NDUFAF6: variants seen among roughly 807,000 people sequenced by gnomAD.
NDUFAF6 encodes the protein NADH dehydrogenase (ubiquinone) complex I, assembly factor 6.
In NDUFAF6, 45 loss-of-function variants were observed where a neutral mutation model predicts 40.8. That is an observed-to-expected ratio of 1.10 (90% CI 0.87 to 1.42). NDUFAF6 has a LOEUF of 1.42. Among genes scored for constraint, NDUFAF6 ranks in the 40% most tolerant of loss-of-function variants. NDUFAF6 has a pLI of 0.00. For synonymous variants in NDUFAF6, 185 were observed against 155.9 expected (o/e 1.19, Z -1.39); for missense variants, 435 against 418.5 (o/e 1.04, Z -0.34).
At chr8:94,902,868 A>G (rs1818119753) in intron 1 of NDUFAF6, among the ~76,000 whole-genome samples, 1 of 151,442 alleles carries the variant, frequency 6.6e-6, no homozygotes, top group Non-Finnish European at 1.5e-5. Flanking sequence ...GCTAATTTTT[A>G]TATTTTTAGT....
intron 2 of NDUFAF6, among the ~76,000 whole-genome samples, chr8:95,094,633 T>A (rs1231150252): frequency 6.6e-6 from 1 of 151,832 alleles, no homozygotes; most frequent in African/African-American, 2.4e-5. Flanking sequence ...CAGGCTGGTC[T>A]TGAACTCCTG....
intron 2 of NDUFAF6, among the ~76,000 whole-genome samples, chr8:94,986,699 G>A (rs1825924517): frequency 6.6e-6 from 1 of 152,166 alleles, no homozygotes; most frequent in African/African-American, 2.4e-5. Flanking sequence ...GTCTTTGTGA[G>A]AAAGCTCATT....
At chr8:95,072,203 G>A (rs950783342) in intron 9 of NDUFAF6, among the ~76,000 whole-genome samples, 31 of 152,142 alleles carry the variant, frequency 2.0e-4, no homozygotes, top group Non-Finnish European at 4.3e-4. Context: ...ACACAGGGCC[G>A]TTATGTTGCG....
At chr8:94,926,409 CAAAGCCACTTAAAAAAAAAAAAA>C (rs1819898601) in intron 1 of NDUFAF6, 1 of 89,382 alleles carries the variant, frequency 1.1e-5, no homozygotes, top group Non-Finnish European at 2.2e-5. Context: ...GAAAAAAAAA[CAAAGCCACTTAAAAAAAAAAAAA>C]ACACACGCAA....
At position 95,052,323 on chromosome 8, in the gene NDUFAF6, A is replaced by G. The variant is rs916947834; in HGVS notation, c.873+93A>G. ...TATAAAGTTCCCAATGAACTTCTTT[A>G]GTTCGGAGCCTTTGTTTTTGTTTCC... On this transcript the variant is annotated intron_variant, in intron 8 of 8. Coordinates refer to ENST00000396124, the MANE Select transcript of NDUFAF6 (RefSeq NM_152416.4). The G allele has an allele frequency of 3.5e-5, 48 of 1,360,770 alleles. No individual in the cohort carries two copies. The Admixed American group carries it at 8.2e-4, about 23-fold the overall frequency. The allele number at this position is 1,360,770 out of a possible 1,614,324, so 84.3% of individuals were successfully genotyped here. A position where few individuals can be genotyped will look rare whatever the true frequency, so the allele number is the denominator to read the frequency against.
intron 9 of NDUFAF6, among the ~76,000 whole-genome samples, chr8:95,064,014 C>T (rs917003420): frequency 2.0e-5 from 3 of 149,714 alleles, no homozygotes; most frequent in Non-Finnish European, 3.0e-5. Context: ...TGGGACTACA[C>T]GTGCCCGCCA....
At chr8:95,056,923 G>C (rs1832240945) in intron 8 of NDUFAF6, among the ~76,000 whole-genome samples, 1 of 148,290 alleles carries the variant, frequency 6.7e-6, no homozygotes, top group Non-Finnish European at 1.5e-5. Flanking sequence ...AAAAAAAGTA[G>C]ATAATGAATT....
intron 2 of NDUFAF6, among the ~76,000 whole-genome samples, chr8:94,983,823 A>G (rs920015334): frequency 6.6e-6 from 1 of 152,134 alleles, no homozygotes; most frequent in Non-Finnish European, 1.5e-5. Flanking sequence ...GGTTTCCTAA[A>G]TGTGTCTGTA....
intron 2 of NDUFAF6, among the ~76,000 whole-genome samples, chr8:95,091,718 C>T (rs1341085664): frequency 6.6e-6 from 1 of 151,474 alleles, no homozygotes; most frequent in Non-Finnish European, 1.5e-5. Context: ...TGGCTCACTG[C>T]AGCCTTGACC....
upstream of NDUFAF6, among the ~76,000 whole-genome samples, chr8:94,955,879 C>G (rs564475552): frequency 3.9e-5 from 6 of 152,320 alleles, no homozygotes; most frequent in South Asian, 6.2e-4. Context: ...AGAAGTCCCT[C>G]CCTAGCACAC....
intron 4 of NDUFAF6, among the ~76,000 whole-genome samples, chr8:95,041,988 A>G (rs1232887886): frequency 6.6e-6 from 1 of 152,248 alleles, no homozygotes. Context: ...AAATACATAT[A>G]TATCTTAAAA....
chr8:95,003,611 A>G (rs1174991544), intron 2 of NDUFAF6, among the ~76,000 whole-genome samples: 2 of 152,050 alleles, frequency 1.3e-5, no homozygotes, highest in Admixed American at 1.3e-4. Flanking sequence ...ACCCTTCAAC[A>G]CTTTGTGTCT....
chr8:94,990,104 C>G (rs1051556452), intron 2 of NDUFAF6, among the ~76,000 whole-genome samples: 2 of 152,146 alleles, frequency 1.3e-5, no homozygotes, highest in Non-Finnish European at 2.9e-5. Flanking sequence ...TGTTATGAGT[C>G]AAGGAAAGGG....
chr8:95,004,508 G>A (rs906240899), intron 2 of NDUFAF6, among the ~76,000 whole-genome samples: 1 of 151,732 alleles, frequency 6.6e-6, no homozygotes, highest in Non-Finnish European at 1.5e-5. Flanking sequence ...ATGATACCAT[G>A]CCCAACTAAT....
chr8:95,101,006 C>T (rs1809631896), intron 1 of NDUFAF6: 1 of 152,124 alleles, frequency 6.6e-6, no homozygotes, highest in Non-Finnish European at 1.5e-5. Flanking sequence ...TTTTAATTTA[C>T]CTATTTGTTT....
intron 1 of NDUFAF6, among the ~76,000 whole-genome samples, chr8:94,907,106 G>A (rs994199878): frequency 1.3e-5 from 2 of 152,166 alleles, no homozygotes; most frequent in Non-Finnish European, 2.9e-5. Flanking sequence ...TTGCAGTGTG[G>A]CCAGCACAAA....
chr8:95,021,210 TTGGGAGTC>T (rs1827680340), upstream of NDUFAF6, among the ~76,000 whole-genome samples: 1 of 151,770 alleles, frequency 6.6e-6, no homozygotes, highest in Non-Finnish European at 1.5e-5. Context: ...TGTAGCTCTC[TTGGGAGTC>T]TGTAGAGGCC....
downstream of NDUFAF6, among the ~76,000 whole-genome samples, chr8:95,104,191 A>G (rs1187389444): frequency 6.6e-6 from 1 of 152,148 alleles, no homozygotes; most frequent in African/African-American, 2.4e-5. Context: ...ATTCTAATTC[A>G]TTACCAACAT....
intron 1 of NDUFAF6, among the ~76,000 whole-genome samples, chr8:95,030,490 C>T (rs778755996): frequency 6.6e-6 from 1 of 152,122 alleles, no homozygotes; most frequent in East Asian, 1.9e-4. Flanking sequence ...CCTGCTCTGC[C>T]TCCCACAGTG....
Sources: gnomAD v4.1 joint callset for allele counts (sites outside exome capture counted in the v4.1 genomes callset) on GRCh38, gnomAD v4.1.1 for gene constraint, MANE v1.5 for transcripts, NCBI Gene and HGNC (gene_info 2026-07-23, HGNC 2026-07-21) for gene names.